The following SIL1 variants were observed in gnomAD, a reference collection of about 807,000 sequenced individuals.
The protein encoded by SIL1 is SIL1 nucleotide exchange factor.
SIL1 carries 40 observed loss-of-function variants against 49.1 expected under a neutral mutation model. That is an observed-to-expected ratio of 0.81 (90% CI 0.63 to 1.06). The LOEUF (loss-of-function observed/expected upper bound fraction) is 1.06, where lower values mean the gene tolerates loss of function less well. Among genes scored for constraint, SIL1 ranks in the 50% least tolerant of loss-of-function variants. SIL1 has a pLI of 0.00. For synonymous variants in SIL1, 253 were observed against 250.8 expected (o/e 1.01, Z -0.08); for missense variants, 500 against 572.6 (o/e 0.87, Z 1.29).
chr5:139,004,968 G>A lies in SIL1; in HGVS notation c.767+16203C>T, dbSNP rs563464645. On this transcript the variant is annotated intron_variant, in intron 7 of 9. Transcript: ENST00000394817. ...GGGCTGGGGTAAAAGATAGGATGTC[G>A]GGCCAGGTTGCTGGGGCAGGGGAGT... 2.6e-5 allele frequency among the ~76,000 whole-genome samples: 4 copies of A among 152,256 alleles called. No homozygotes were observed. In the East Asian group the frequency reaches 5.8e-4, roughly 22 times the overall value.
At chr5:139,131,661 A>C (rs1215547685) in intron 1 of SIL1, 1 of 152,128 alleles carries the variant, frequency 6.6e-6, no homozygotes, top group Admixed American at 6.5e-5. Context: ...TCCCCCAGCA[A>C]CCTGGCTCCC....
At chr5:139,174,729 G>A (rs1244216451) in intron 1 of SIL1, among the ~76,000 whole-genome samples, 1 of 151,890 alleles carries the variant, frequency 6.6e-6, no homozygotes, top group Non-Finnish European at 1.5e-5. Context: ...CCTGAGGTCA[G>A]GAGTTCAAGA....
chr5:139,140,041 C>T (rs752533568), intron 1 of SIL1, among the ~76,000 whole-genome samples: 2 of 151,934 alleles, frequency 1.3e-5, no homozygotes, highest in Admixed American at 6.6e-5. Context: ...GAGGCCGAGG[C>T]AGGTGGATCA....
At chr5:139,154,186 A>G (rs1441835447) in intron 1 of SIL1, among the ~76,000 whole-genome samples, 1 of 152,240 alleles carries the variant, frequency 6.6e-6, no homozygotes, top group Non-Finnish European at 1.5e-5. Flanking sequence ...TGTAAATAAC[A>G]GTCTCTGTCT....
chr5:139,047,417 G>A (rs955401324), intron 4 of SIL1, among the ~76,000 whole-genome samples: 1 of 152,220 alleles, frequency 6.6e-6, no homozygotes, highest in African/African-American at 2.4e-5. Flanking sequence ...TGCAGCTCTA[G>A]GTAGCAATGT....
chr5:138,996,939 A>G (rs1316318242), intron 7 of SIL1, among the ~76,000 whole-genome samples: 2 of 152,114 alleles, frequency 1.3e-5, no homozygotes, highest in African/African-American at 2.4e-5. Flanking sequence ...CCTTTCTCCA[A>G]TCTTTTCTTT....
chr5:139,135,449 C>T (rs998215954), intron 1 of SIL1, among the ~76,000 whole-genome samples: 5 of 152,174 alleles, frequency 3.3e-5, no homozygotes, highest in South Asian at 2.1e-4. Flanking sequence ...CAAAATCCAC[C>T]GTGCAGCCTG....
intron 2 of SIL1, 101 bp downstream of exon 2, chr5:139,127,638 A>G: frequency 2.2e-6 from 2 of 917,466 alleles, no homozygotes; most frequent in South Asian, 2.8e-5. Flanking sequence ...TAAGAAAGAA[A>G]CATAGAAGCC....
At chr5:139,160,049 G>A (rs1751479226) in intron 1 of SIL1, among the ~76,000 whole-genome samples, 1 of 151,736 alleles carries the variant, frequency 6.6e-6, no homozygotes. Context: ...CCTGGCTGAG[G>A]TACCATTACA....
intron 7 of SIL1, among the ~76,000 whole-genome samples, chr5:138,960,652 TGCCATGTTG>T (rs1487465367): frequency 6.6e-6 from 1 of 152,178 alleles, no homozygotes; most frequent in Non-Finnish European, 1.5e-5. Flanking sequence ...GAGAAGGTTT[TGCCATGTTG>T]GCCAGGCTGG....
intron 1 of SIL1, among the ~76,000 whole-genome samples, chr5:139,165,720 C>T (rs1213083523): frequency 6.6e-6 from 1 of 151,880 alleles, no homozygotes; most frequent in Non-Finnish European, 1.5e-5. Flanking sequence ...TACAGTGACA[C>T]GATCTCGGTT....
chr5:139,062,771 T>C (rs1769620892), intron 3 of SIL1, among the ~76,000 whole-genome samples: 1 of 152,226 alleles, frequency 6.6e-6, no homozygotes, highest in African/African-American at 2.4e-5. Flanking sequence ...ATTTAGGACA[T>C]GGTGAGCCTC....
At chr5:139,080,543 T>A (rs550355717) in intron 3 of SIL1, among the ~76,000 whole-genome samples, 42 of 152,366 alleles carry the variant, frequency 2.8e-4, no homozygotes, top group African/African-American at 9.1e-4. Flanking sequence ...ATTTGTCCCA[T>A]AAAAGACAAA....
chr5:139,161,855 A>T (rs2151810910), intron 1 of SIL1, among the ~76,000 whole-genome samples: 1 of 151,948 alleles, frequency 6.6e-6, no homozygotes, highest in South Asian at 2.1e-4. Context: ...TCTACTAAAA[A>T]CACAAAAATT....
chr5:139,098,375 A>C (rs2151780707), intron 3 of SIL1, among the ~76,000 whole-genome samples: 1 of 152,322 alleles, frequency 6.6e-6, no homozygotes, highest in Non-Finnish European at 1.5e-5. Flanking sequence ...GGTGCTGGGA[A>C]AACTGGATAT....
chr5:139,171,909 G>A (rs1203410209), intron 1 of SIL1, among the ~76,000 whole-genome samples: 1 of 151,924 alleles, frequency 6.6e-6, no homozygotes, highest in Non-Finnish European at 1.5e-5. Context: ...TAAAGATACA[G>A]ACATCTTAAA....
At chr5:139,046,235 G>A (rs1258102548) in intron 4 of SIL1, among the ~76,000 whole-genome samples, 4 of 152,168 alleles carry the variant, frequency 2.6e-5, no homozygotes, top group African/African-American at 9.7e-5. Flanking sequence ...GCTGAGGCAG[G>A]AGAATTGCTT....
chr5:138,979,808 G>C (rs1272595549), intron 7 of SIL1, among the ~76,000 whole-genome samples: 2 of 152,352 alleles, frequency 1.3e-5, no homozygotes, highest in African/African-American at 2.4e-5. Context: ...TAGAGGAGCT[G>C]TAAAGAGTGA....
chr5:139,066,485 C>T (rs1363839862), intron 3 of SIL1, among the ~76,000 whole-genome samples: 1 of 150,830 alleles, frequency 6.6e-6, no homozygotes, highest in East Asian at 2.0e-4. Flanking sequence ...AATAGGCTAG[C>T]TTGAGCAACA....
Sources: allele counts gnomAD v4.1 joint callset (sites outside exome capture counted in the v4.1 genomes callset), GRCh38; gene constraint gnomAD v4.1.1; transcripts MANE v1.5; gene names NCBI Gene and HGNC (gene_info 2026-07-23, HGNC 2026-07-21).